PRSS23: variants seen among roughly 807,000 people sequenced by gnomAD.
The protein encoded by PRSS23 is protease, serine 23.
PRSS23 carries 25 observed loss-of-function variants against 34.7 expected under a neutral mutation model. That is an observed-to-expected ratio of 0.72 (90% CI 0.53 to 1.01). The LOEUF (loss-of-function observed/expected upper bound fraction) is 1.01, where lower values mean the gene tolerates loss of function less well. Among genes scored for constraint, PRSS23 ranks in the 50% least tolerant of loss-of-function variants. The probability of loss-of-function intolerance (pLI) is 0.00; values close to 1 mark genes in which losing one functional copy is unlikely to be tolerated. For synonymous variants in PRSS23, 176 were observed against 186.6 expected (o/e 0.94, Z 0.46); for missense variants, 445 against 475.6 (o/e 0.94, Z 0.60).
At chr11:86,859,494 A>G (rs1183901577) in intron 2 of PRSS23, among the ~76,000 whole-genome samples, 3 of 151,972 alleles carry the variant, frequency 2.0e-5, no homozygotes, top group Non-Finnish European at 4.4e-5. Context: ...TACTGTTCCT[A>G]ATATCCAGGG....
At chr11:86,815,439 C>G (rs1948208512), downstream of PRSS23, among the ~76,000 whole-genome samples, 1 of 152,190 alleles carries the variant, frequency 6.6e-6, no homozygotes, top group African/African-American at 2.4e-5. Context: ...TAATGTTATT[C>G]AAATGGCTGA....
At chr11:86,826,942 G>T (rs1948306507) in intron 2 of PRSS23, among the ~76,000 whole-genome samples, 1 of 152,154 alleles carries the variant, frequency 6.6e-6, no homozygotes, top group Non-Finnish European at 1.5e-5. Flanking sequence ...AAGGATATTG[G>T]TCTAAAATTC....
chr11:86,925,834 C>T (rs1949077319), intron 2 of PRSS23, among the ~76,000 whole-genome samples: 1 of 152,138 alleles, frequency 6.6e-6, no homozygotes, highest in Admixed American at 6.5e-5. Context: ...CTGTGATAGA[C>T]ATGTCTTCAG....
At chr11:86,842,175 C>T (rs1267129859) in intron 2 of PRSS23, among the ~76,000 whole-genome samples, 2 of 152,160 alleles carry the variant, frequency 1.3e-5, no homozygotes, top group Non-Finnish European at 1.5e-5. Flanking sequence ...GAACCAAGAA[C>T]AAAAACTACA....
chr11:86,809,408 C>T lies in PRSS23; in HGVS notation c.*613C>T, dbSNP rs1948151864. 6.0e-6 allele frequency: 1 copy of T among 166,928 alleles called. No individual in the cohort carries two copies. The highest frequency in any genetic ancestry group is 1.9e-4 in the East Asian group (1 of 5,198). The allele number at this position is 166,928 out of a possible 1,614,324, so 10.3% of individuals were successfully genotyped here. A position where few individuals can be genotyped will look rare whatever the true frequency, so the allele number is the denominator to read the frequency against. Reference sequence around the variant, plus strand: ...ATACTGATACACATATTAAACTATACCTTATAGTAAACCAGTATCCCAAGC... The same window carrying T: ...ATACTGATACACATATTAAACTATATCTTATAGTAAACCAGTATCCCAAGC... On this transcript the variant is annotated 3_prime_UTR_variant, in exon 2 of 2. Coordinates refer to ENST00000280258, the MANE Select transcript of PRSS23 (RefSeq NM_007173.6).
chr11:86,820,803 C>T (rs901896513), intron 1 of PRSS23, among the ~76,000 whole-genome samples: 1 of 152,104 alleles, frequency 6.6e-6, no homozygotes, highest in Non-Finnish European at 1.5e-5. Context: ...CTCAAGCTCT[C>T]GCTCAATTTT....
chr11:86,891,805 A>G lies in PRSS23; in HGVS notation c.207-59411A>G, dbSNP rs556426115. On this transcript the variant is annotated intron_variant, in intron 2 of 2. Coordinates refer to the PRSS23 transcript ENST00000533902. ...TTGTGCTAGTGAGTGAGTTCTCACG[A>G]GATCTGATGGTTTTCTAAGTGTTTG... Among the ~76,000 whole-genome samples, 173 of 152,168 alleles carry G rather than the reference A, an allele frequency of 1.1e-3. 1 individual carries two copies. Among genetic ancestry groups the G allele is most frequent in the Admixed American group, 5.4e-3 (83 of 15,264 alleles).
intron 2 of PRSS23, among the ~76,000 whole-genome samples, chr11:86,840,693 T>A (rs1214652474): frequency 2.0e-5 from 3 of 152,202 alleles, no homozygotes; most frequent in Non-Finnish European, 4.4e-5. Context: ...ATTCTAAAAT[T>A]GACCACATAA....
intron 2 of PRSS23, among the ~76,000 whole-genome samples, chr11:86,917,208 A>G (rs1044038319): frequency 2.6e-5 from 4 of 152,086 alleles, no homozygotes; most frequent in Non-Finnish European, 5.9e-5. Flanking sequence ...AATCCCAGCT[A>G]CTCGGGAGAC....
At chr11:86,806,068 CGTT>C (rs1192989565) in intron 1 of PRSS23, among the ~76,000 whole-genome samples, 3 of 152,178 alleles carry the variant, frequency 2.0e-5, no homozygotes, top group Non-Finnish European at 2.9e-5. Flanking sequence ...CAGTATTCCT[CGTT>C]GTTGTTTTTC....
intron 2 of PRSS23, among the ~76,000 whole-genome samples, chr11:86,883,031 C>T (rs1292225060): frequency 6.6e-6 from 1 of 152,114 alleles, no homozygotes; most frequent in African/African-American, 2.4e-5. Context: ...ATGGCCTTTG[C>T]CTACTTTTTA....
chr11:86,829,158 C>G (rs1207026280), intron 2 of PRSS23, among the ~76,000 whole-genome samples: 1 of 152,238 alleles, frequency 6.6e-6, no homozygotes, highest in Non-Finnish European at 1.5e-5. Context: ...GGTCTTTTCA[C>G]ATAGTCCCAT....
At chr11:86,828,362 T>G (rs1484140793) in intron 2 of PRSS23, among the ~76,000 whole-genome samples, 1 of 152,220 alleles carries the variant, frequency 6.6e-6, no homozygotes, top group Non-Finnish European at 1.5e-5. Flanking sequence ...TCTTCCTCCA[T>G]CCTTTTATTT....
intron 2 of PRSS23, among the ~76,000 whole-genome samples, chr11:86,930,663 G>A (rs1038580674): frequency 9.2e-5 from 14 of 152,082 alleles, no homozygotes; most frequent in Non-Finnish European, 2.9e-5. Flanking sequence ...GGTGGCGGGC[G>A]CCTGTAGTCC....
At position 86,952,199 on chromosome 11, in the gene PRSS23, G is replaced by A. The variant is rs145072875; in HGVS notation, c.*914G>A. 1.9e-6 allele frequency: 3 copies of A among 1,613,542 alleles called. No homozygotes were observed. Among genetic ancestry groups the A allele is most frequent in the Non-Finnish European group, 2.5e-6 (3 of 1,179,708 alleles). ...CACCCAGATGTACTGATCAGAATTG[G>A]TTCCCACAGAGTGACACTCTTCCCC... On this transcript the variant is annotated 3_prime_UTR_variant, in exon 3 of 3. Coordinates refer to the PRSS23 transcript ENST00000533902.
intron 2 of PRSS23, among the ~76,000 whole-genome samples, chr11:86,867,373 G>A (rs1402806610): frequency 2.0e-5 from 3 of 152,208 alleles, no homozygotes; most frequent in Non-Finnish European, 4.4e-5. Flanking sequence ...CATGGGAACT[G>A]TGGTTTACAA....
At chr11:86,883,955 A>G (rs1948786572) in intron 2 of PRSS23, among the ~76,000 whole-genome samples, 1 of 152,020 alleles carries the variant, frequency 6.6e-6, no homozygotes, top group African/African-American at 2.4e-5. Context: ...TATCTCTTCT[A>G]CCTCACCTTG....
intron 2 of PRSS23, among the ~76,000 whole-genome samples, chr11:86,883,792 CAA>C (rs1237030550): frequency 4.6e-5 from 7 of 152,154 alleles, no homozygotes; most frequent in East Asian, 3.8e-4. Context: ...TCATTCATTT[CAA>C]AGTGTTTTCT....
intron 2 of PRSS23, among the ~76,000 whole-genome samples, chr11:86,850,583 T>C (rs1948521666): frequency 6.6e-6 from 1 of 152,210 alleles, no homozygotes; most frequent in African/African-American, 2.4e-5. Flanking sequence ...GCATGTGTTT[T>C]CTTCCCCAAG....
Sources: allele counts gnomAD v4.1 joint callset (sites outside exome capture counted in the v4.1 genomes callset), GRCh38; gene constraint gnomAD v4.1.1; transcripts MANE v1.5; gene names NCBI Gene and HGNC (gene_info 2026-07-23, HGNC 2026-07-21).